Variants in TNS3 observed in about 807,000 individuals in gnomAD.
TNS3 encodes tensin-3.
TNS3 carries 45 observed loss-of-function variants against 140.9 expected under a neutral mutation model. The observed-to-expected ratio is 0.32, with a 90% CI of 0.25 to 0.41. The LOEUF (loss-of-function observed/expected upper bound fraction) is 0.41. Ranked by LOEUF, TNS3 falls within the 10% of genes least tolerant of loss-of-function variation. TNS3 has a pLI of 1.00. For missense variants in TNS3, 1,716 were observed against 1,906.7 expected, an observed-to-expected ratio of 0.90 and a Z score of 1.86; for synonymous variants, 815 against 788.4, an observed-to-expected ratio of 1.03 and a Z score of -0.56.
At position 47,435,361 on chromosome 7, in the gene TNS3, T is replaced by A; in HGVS notation, c.245A>T (p.Asp82Val). The change falls in exon 8 of 31, where the codon GAT (aspartate) becomes GTT (valine). Residue 82 changes from aspartate (D) to valine (V), a missense_variant. Physicochemically the swap from Asp to Val is radical, Grantham distance 152 (BLOSUM62 -3). Around this residue, in one of 3 missense-constraint regions of TNS3, gnomAD observed 337 missense variants for 428.9 expected, o/e 0.79. Coordinates refer to ENST00000311160, the MANE Select transcript of TNS3 (RefSeq NM_022748.12). ...CGCCTTGCATATGGTACACATCTTA[T>A]CCAGGGGCGGTGCGTGGAGCTCTGG... Reference protein sequence around the residue: ...GWPELHAPPLDKMCTICKAQE... With the variant: ...GWPELHAPPLVKMCTICKAQE... 6.2e-7 allele frequency: 1 copy of A among 1,614,098 alleles called. No individual in the cohort carries two copies. Among genetic ancestry groups the A allele is most frequent in the South Asian group, 1.1e-5 (1 of 91,078 alleles).
intron 16 of TNS3, among the ~76,000 whole-genome samples, chr7:47,387,619 A>T (rs1792151672): frequency 6.6e-6 from 1 of 152,214 alleles, no homozygotes; most frequent in East Asian, 1.9e-4. Context: ...CCACTAAGTC[A>T]TCCGCAACCT....
In TNS3 at chr7:47,317,217, C is replaced by T. The variant is rs577112320; in HGVS notation, c.2651-12214G>A. The stretch of plus-strand genomic sequence containing the variant: ...TCCCCCAGTGAAGCCAGAATTGCTC[C>T]AGCCAGGGCTGAAATGGGAATCCTG... On this transcript the variant is annotated intron_variant, in intron 20 of 30. Coordinates refer to ENST00000311160, the MANE Select transcript of TNS3 (RefSeq NM_022748.12). 2.6e-5 allele frequency among the ~76,000 whole-genome samples: 4 copies of T among 152,328 alleles called. No individual in the cohort carries two copies. The South Asian group carries it at 8.3e-4, about 32-fold the overall frequency.
rs34418629 is a variant in TNS3, at chr7:47,519,816, C to CTTTTT, written c.-153+9215_-153+9219dup. On this transcript the variant is annotated intron_variant, in intron 2 of 30. Coordinates refer to ENST00000311160, the MANE Select transcript of TNS3 (RefSeq NM_022748.12). ...CTCTGGAACAGAGCTCCTCACATTT[C>CTTTTT]TTTTTTTTTTTTTTTTTTTTTTTTT... 5.8e-3 allele frequency among the ~76,000 whole-genome samples: 436 copies of CTTTTT among 74,798 alleles called. 20 individuals are homozygous for CTTTTT. The highest frequency in any genetic ancestry group is 6.8e-3 in the South Asian group (10 of 1,472). The allele number at this position is 74,798 out of a possible 152,430, so 49.1% of individuals were successfully genotyped here. A position where few individuals can be genotyped will look rare whatever the true frequency, so the allele number is the denominator to read the frequency against.
At chr7:47,517,766 T>C (rs1798827668) in intron 2 of TNS3, among the ~76,000 whole-genome samples, 2 of 152,024 alleles carry the variant, frequency 1.3e-5, no homozygotes, top group South Asian at 4.2e-4. Flanking sequence ...TACAGGAAAG[T>C]AACTCCAGGA....
At chr7:47,331,212 C>T (rs1788324334) in intron 20 of TNS3, among the ~76,000 whole-genome samples, 1 of 152,198 alleles carries the variant, frequency 6.6e-6, no homozygotes, top group South Asian at 2.1e-4. Context: ...CTGTTTTCAG[C>T]AACAGGCTCT....
intron 24 of TNS3, among the ~76,000 whole-genome samples, chr7:47,294,923 C>T (rs1785919277): frequency 6.6e-6 from 1 of 152,146 alleles, no homozygotes; most frequent in African/African-American, 2.4e-5. Flanking sequence ...GTGGGAAGTC[C>T]TTCTGGCCAG....
At chr7:47,302,342 G>T (rs1786455486) in intron 22 of TNS3, 70 bp from the exon 23 acceptor site, 5 of 1,266,002 alleles carry the variant, frequency 3.9e-6, no homozygotes, top group Admixed American at 1.7e-5. Flanking sequence ...CATCTGCTGT[G>T]ATCCCAGAAG....
At chr7:47,471,964 C>T (rs779039095) in intron 4 of TNS3, among the ~76,000 whole-genome samples, 2 of 152,182 alleles carry the variant, frequency 1.3e-5, no homozygotes, top group Non-Finnish European at 2.9e-5. Context: ...TCTCACAGAC[C>T]CAGGGGCTGG....
intron 1 of TNS3, among the ~76,000 whole-genome samples, chr7:47,556,018 CAT>C (rs961331246): frequency 2.6e-5 from 4 of 152,224 alleles, no homozygotes; most frequent in Admixed American, 6.5e-5. Flanking sequence ...GCACGGTATA[CAT>C]GTGTGTGTTC....
Position 47,281,301 on chromosome 7 carries a change from C to T in TNS3, c.4098-947G>A, listed in dbSNP as rs570877904. Among the ~76,000 whole-genome samples the T allele has an allele frequency of 7.9e-5, 12 of 152,336 alleles. No individual in the cohort carries two copies. In the East Asian group the frequency reaches 1.9e-3, roughly 25 times the overall value. ...GGGGCATTCTCCTCCGGCTCACCTG[C>T]CCAGCCCTTCCTTCCAAGAGTGCTA... On this transcript the variant is annotated intron_variant, in intron 28 of 30. Transcript: ENST00000311160.
chr7:47,520,445 C>G (rs538300643), intron 2 of TNS3, among the ~76,000 whole-genome samples: 2 of 152,280 alleles, frequency 1.3e-5, no homozygotes, highest in African/African-American at 4.8e-5. Flanking sequence ...CAAAATCCAC[C>G]AGCACAATCA....
At chr7:47,347,701 C>A (rs1789427469) in intron 17 of TNS3, among the ~76,000 whole-genome samples, 1 of 152,132 alleles carries the variant, frequency 6.6e-6, no homozygotes, top group African/African-American at 2.4e-5. Flanking sequence ...AAGCAACCTT[C>A]CACCTCTTCC....
At position 47,369,042 on chromosome 7, in the gene TNS3, C is replaced by T. The variant is rs1424975290; in HGVS notation, c.1604G>A (p.Gly535Asp). Residue 535 changes from glycine to aspartate, a missense_variant, in exon 17 of 31, where the codon GGC (glycine) becomes GAC (aspartate). By Grantham distance (94) the Gly-to-Asp change is moderately conservative (BLOSUM62 -1). Transcript: ENST00000311160. ...FGSNVGEDPQ[G>D]TLVPDLGLGM... Reference sequence around the variant, plus strand: ...AAGGCCCAGGTCCGGAACGAGGGTGCCCTGCGGATCTTCACCAACGTTGCT... The same window carrying T: ...AAGGCCCAGGTCCGGAACGAGGGTGTCCTGCGGATCTTCACCAACGTTGCT... 6.2e-7 allele frequency: 1 copy of T among 1,614,028 alleles called. No individual in the cohort carries two copies. The highest frequency in any genetic ancestry group is 8.5e-7 in the Non-Finnish European group (1 of 1,180,034).
At chr7:47,559,515 C>G (rs1800279567) in intron 1 of TNS3, among the ~76,000 whole-genome samples, 1 of 152,136 alleles carries the variant, frequency 6.6e-6, no homozygotes, top group Non-Finnish European at 1.5e-5. Context: ...AGGGCGGTGC[C>G]TCAGCCTCGT....
At chr7:47,290,355 A>G (rs1248552076) in intron 27 of TNS3, among the ~76,000 whole-genome samples, 1 of 152,240 alleles carries the variant, frequency 6.6e-6, no homozygotes, top group Non-Finnish European at 1.5e-5. Context: ...ACAGGAAATC[A>G]ATAAGCTGGA....
chr7:47,559,763 A>G (rs1365148741), intron 1 of TNS3, among the ~76,000 whole-genome samples: 1 of 152,014 alleles, frequency 6.6e-6, no homozygotes, highest in African/African-American at 2.4e-5. Flanking sequence ...TCCAGGCCCA[A>G]GCTCCACCAT....
chr7:47,311,855 G>C (rs1392077515), intron 20 of TNS3, among the ~76,000 whole-genome samples: 1 of 152,060 alleles, frequency 6.6e-6, no homozygotes, highest in East Asian at 1.9e-4. Context: ...TTAATAAAAA[G>C]AAAATTACAC....
chr7:47,569,652 G>A (rs749877913), intron 1 of TNS3, among the ~76,000 whole-genome samples: 2 of 150,192 alleles, frequency 1.3e-5, no homozygotes, highest in African/African-American at 2.5e-5. Flanking sequence ...TCATGAGTTC[G>A]AGACCAGCTT....
At chr7:47,374,911 G>T (rs1437346022) in intron 16 of TNS3, among the ~76,000 whole-genome samples, 1 of 152,144 alleles carries the variant, frequency 6.6e-6, no homozygotes, top group Non-Finnish European at 1.5e-5. Context: ...CCAGATGAGG[G>T]AGGCTGCAGG....
Sources: allele counts gnomAD v4.1 joint callset (sites outside exome capture counted in the v4.1 genomes callset), GRCh38; gene constraint gnomAD v4.1.1; regional missense constraint gnomAD v4.1.1; transcripts MANE v1.5; gene names NCBI Gene and HGNC (gene_info 2026-07-23, HGNC 2026-07-21).